The following SLC22A25 variants were observed in gnomAD, a reference collection of about 807,000 sequenced individuals.
SLC22A25 encodes the protein MGI:2442751, MGI:2385316, MGI:3042283, MGI:3645714, MGI:3605624, MGI:2442750.
In SLC22A25, 44 loss-of-function variants were observed where a neutral mutation model predicts 45.9. That is an observed-to-expected ratio of 0.96 (90% confidence interval 0.75 to 1.23). The LOEUF is 1.23. SLC22A25 is among the 50% of genes most tolerant of loss of function. SLC22A25 has a pLI of 0.00. For missense variants in SLC22A25, 800 were observed against 666.4 expected, an observed-to-expected ratio of 1.20 and a Z score of -2.21; for synonymous variants, 283 against 238.6, an observed-to-expected ratio of 1.19 and a Z score of -1.72.
intron 9 of SLC22A25, among the ~76,000 whole-genome samples, chr11:63,172,572 C>T (rs1165031975): frequency 1.3e-5 from 2 of 151,578 alleles, no homozygotes; most frequent in Non-Finnish European, 2.9e-5. Flanking sequence ...AAATGCAAAT[C>T]GAAACCACAT....
intron 7 of SLC22A25, among the ~76,000 whole-genome samples, chr11:63,187,025 T>C (rs1565081362): frequency 1.3e-5 from 2 of 152,092 alleles, no homozygotes; most frequent in Non-Finnish European, 2.9e-5. Context: ...CTTGGCAATG[T>C]GGGCTCTTTT....
chr11:63,182,331 T>C (rs1165467745), intron 8 of SLC22A25, among the ~76,000 whole-genome samples: 1 of 152,044 alleles, frequency 6.6e-6, no homozygotes, highest in Non-Finnish European at 1.5e-5. Flanking sequence ...TTGTTGTTGT[T>C]GTCGTTGTTT....
intron 7 of SLC22A25, among the ~76,000 whole-genome samples, chr11:63,213,377 T>C (rs939270163): frequency 1.3e-5 from 2 of 152,168 alleles, no homozygotes; most frequent in East Asian, 3.9e-4. Context: ...GGAATGGCAG[T>C]GGGAGTCTTA....
At chr11:63,217,836 G>T (rs2089757648) in intron 5 of SLC22A25, 101 bp from the exon 6 acceptor site, 1 of 1,376,792 alleles carries the variant, frequency 7.3e-7, no homozygotes, top group East Asian at 2.3e-5. Context: ...TGTTTAACAA[G>T]TGAAACTTTA....
intron 9 of SLC22A25, among the ~76,000 whole-genome samples, chr11:63,169,988 ATTAG>A (rs1489530546): frequency 1.3e-5 from 2 of 152,220 alleles, no homozygotes; most frequent in East Asian, 3.8e-4. Flanking sequence ...GTGCAATCAA[ATTAG>A]AACTCAGGAT....
rs149788197 is a variant in SLC22A25 at position 63,166,093 on chromosome 11, G to A, written c.1236C>T (p.Leu412=). 2.5e-6 allele frequency: 4 copies of A among 1,613,914 alleles called. No individual in the cohort carries two copies. The highest frequency in any genetic ancestry group is 2.7e-5 in the African/African-American group (2 of 74,926). The change falls in exon 10 of 12, where the codon CTC becomes CTT. Residue 412 remains leucine, a synonymous_variant. Coordinates refer to ENST00000306494, the MANE Select transcript of SLC22A25 (RefSeq NM_199352.6). ...GAAGGCAGGTTGCCAGTAGGAACAT[G>A]AGAAGCATCTGGCTTAGTCGACGGC... ...HMSRRLSQML[L]MFLLATCLLA...
intron 5 of SLC22A25, among the ~76,000 whole-genome samples, chr11:63,224,338 A>G (rs559641425): frequency 6.6e-6 from 1 of 152,110 alleles, no homozygotes; most frequent in East Asian, 1.9e-4. Flanking sequence ...GATAAGATGC[A>G]TTTCTTGTAG....
At position 63,233,421 on chromosome 11, in the gene SLC22A25, G is replaced by A. The variant is rs564496135; in HGVS notation, c.-444-3325C>T. The stretch of plus-strand genomic sequence containing the variant: ...CTTCTAGATTTTCTAGTTTATTTGC[G>A]TAGAGGTGTTTATAGTATTGTCTGA... On this transcript the variant is annotated intron_variant, in intron 3 of 11. Coordinates refer to ENST00000306494, the MANE Select transcript of SLC22A25 (RefSeq NM_199352.6). Among the ~76,000 whole-genome samples, 295 of 152,248 alleles carry A rather than the reference G, an allele frequency of 1.9e-3. 2 individuals are homozygous for A. In the Middle Eastern group the frequency reaches 0.024, roughly 12 times the overall value.
chr11:63,182,356 CT>C (rs2088359901), intron 8 of SLC22A25, among the ~76,000 whole-genome samples: 1 of 151,922 alleles, frequency 6.6e-6, no homozygotes, highest in Non-Finnish European at 1.5e-5. Context: ...TCTCCCTGAA[CT>C]TCTGTAAGAG....
chr11:63,194,049 G>C (rs1038720534), intron 7 of SLC22A25, among the ~76,000 whole-genome samples: 2 of 152,186 alleles, frequency 1.3e-5, no homozygotes, highest in East Asian at 3.8e-4. Context: ...CGATCAAGTG[G>C]AAGAAAGGGT....
chr11:63,184,532 A>G (rs1035725340), intron 7 of SLC22A25, among the ~76,000 whole-genome samples: 1 of 152,166 alleles, frequency 6.6e-6, no homozygotes, highest in African/African-American at 2.4e-5. Flanking sequence ...TTGTAAAGTA[A>G]ATAGAAGGAA....
intron 7 of SLC22A25, among the ~76,000 whole-genome samples, chr11:63,214,773 C>G (rs1415952262): frequency 6.7e-6 from 1 of 150,078 alleles, no homozygotes; most frequent in Non-Finnish European, 1.5e-5. Flanking sequence ...TAACTTAACT[C>G]TTTGTTCAGG....
At chr11:63,194,543 C>A (rs1318049101) in intron 7 of SLC22A25, among the ~76,000 whole-genome samples, 1 of 151,984 alleles carries the variant, frequency 6.6e-6, no homozygotes, top group Non-Finnish European at 1.5e-5. Flanking sequence ...CAGGCCTGCC[C>A]TAAAAGAGCT....
chr11:63,165,887 G>A (rs531828123), intron 10 of SLC22A25, among the ~76,000 whole-genome samples, 157 bp downstream of exon 10: 10 of 152,296 alleles, frequency 6.6e-5, no homozygotes, highest in East Asian at 5.8e-4. Context: ...AGCAACTTCC[G>A]TGTGGCAAAA....
chr11:63,226,365 G>T (rs1275126474), intron 5 of SLC22A25, among the ~76,000 whole-genome samples: 1 of 152,186 alleles, frequency 6.6e-6, no homozygotes, highest in African/African-American at 2.4e-5. Flanking sequence ...TCTGCATTAG[G>T]GGGCCTCCAA....
At chr11:63,219,756 T>C (rs1260655218) in intron 5 of SLC22A25, among the ~76,000 whole-genome samples, 1 of 152,180 alleles carries the variant, frequency 6.6e-6, no homozygotes, top group Non-Finnish European at 1.5e-5. Flanking sequence ...TCCTGCCTGG[T>C]ACCACTACCT....
At chr11:63,195,126 G>A (rs2088971632) in intron 7 of SLC22A25, among the ~76,000 whole-genome samples, 1 of 151,878 alleles carries the variant, frequency 6.6e-6, no homozygotes, top group Non-Finnish European at 1.5e-5. Flanking sequence ...GACCTACAAA[G>A]ACACTTAGAC....
At position 63,164,064 on chromosome 11, in the gene SLC22A25, A is replaced by G. The variant is rs1590764700; in HGVS notation, c.1404T>C (p.Ala468=). Residue 468 remains alanine (A), a synonymous_variant, in exon 12 of 12, where the codon GCT becomes GCC. Transcript: ENST00000306494. The part of the protein sequence containing the change: ...ELIPSIIRGR[A]TGITGNFANI... ...TAGCAAAGTTTCCAGTGATTCCAGT[A>G]GCTCTTCCCCTTGGAGTAAAAACAG... 1.3e-6 allele frequency: 2 copies of G among 1,590,918 alleles called. No homozygotes were observed. The highest frequency in any genetic ancestry group is 1.7e-6 in the Non-Finnish European group (2 of 1,169,284).
intron 4 of SLC22A25, 54 bp downstream of exon 4, chr11:63,229,197 G>A: frequency 6.9e-7 from 1 of 1,457,346 alleles, no homozygotes; most frequent in Non-Finnish European, 9.1e-7. Context: ...CATTTCTTGT[G>A]TTATTCTAAA....
Sources: gnomAD v4.1 joint callset for allele counts (sites outside exome capture counted in the v4.1 genomes callset) on GRCh38, gnomAD v4.1.1 for gene constraint, MANE v1.5 for transcripts, NCBI Gene and HGNC (gene_info 2026-07-23, HGNC 2026-07-21) for gene names.